NADSYN1: variants seen among roughly 807,000 people sequenced by gnomAD.
NADSYN1 encodes the protein glutamine-dependent NAD(+) synthetase.
NADSYN1 carries 80 observed loss-of-function variants against 99.3 expected under a neutral mutation model. The observed-to-expected ratio is 0.81, with a 90% CI of 0.67 to 0.97. NADSYN1 has a LOEUF of 0.97. Among genes scored for constraint, NADSYN1 ranks in the 50% least tolerant of loss-of-function variants. The probability of loss-of-function intolerance (pLI) is 0.00; values close to 1 mark genes in which losing one functional copy is unlikely to be tolerated. For missense variants in NADSYN1, 859 were observed against 948.5 expected (o/e 0.91, Z 1.24); for synonymous variants, 385 against 372.1 (o/e 1.03, Z -0.40).
intron 9 of NADSYN1, among the ~76,000 whole-genome samples, chr11:71,477,810 G>A (rs900979207): frequency 6.6e-6 from 1 of 152,128 alleles, no homozygotes; most frequent in African/African-American, 2.4e-5. Flanking sequence ...CTCAGTCTCA[G>A]GTTGCTTCTC....
At chr11:71,458,626 C>A in intron 3 of NADSYN1, 82 bp downstream of exon 3, 1 of 973,368 alleles carries the variant, frequency 1.0e-6, no homozygotes, top group Non-Finnish European at 1.7e-6. Context: ...CGGCCTCCAT[C>A]CAGGGTGTGG....
In NADSYN1 at chr11:71,484,573, C is replaced by G. The variant is rs571829108; in HGVS notation, c.1455+126C>G. The G allele has an allele frequency of 1.2e-5, 16 of 1,368,064 alleles. No homozygotes were observed. In the East Asian group the frequency reaches 4.0e-4, roughly 35 times the overall value. 84.7% of individuals were successfully genotyped at this position (1,368,064 alleles called of 1,614,324 possible). On this transcript the variant is annotated intron_variant, in intron 15 of 20. Coordinates refer to ENST00000319023, the MANE Select transcript of NADSYN1 (RefSeq NM_018161.5). ...CCATGAAGCTCATGGCACCGGTTAC[C>G]TAGGGACAGCCAGTGCTGGGGTCAC...
intron 16 of NADSYN1, among the ~76,000 whole-genome samples, chr11:71,486,464 C>T (rs1251004541): frequency 6.6e-6 from 1 of 151,834 alleles, no homozygotes; most frequent in Admixed American, 6.6e-5. Flanking sequence ...TCTGTCCATC[C>T]ACCCACCCAC....
intron 3 of NADSYN1, among the ~76,000 whole-genome samples, chr11:71,459,449 A>C (rs1268842528): frequency 2.0e-5 from 3 of 150,390 alleles, no homozygotes; most frequent in Non-Finnish European, 3.0e-5. Flanking sequence ...CTGTCCCTGC[A>C]TAGCCGGTCC....
In NADSYN1 at chr11:71,497,685, G is replaced by A. The variant is rs571911899; in HGVS notation, c.1893+74G>A. 7.0e-4 allele frequency: 1,098 copies of A among 1,563,536 alleles called. 1 individual carries two copies. Among genetic ancestry groups the A allele is most frequent in the Non-Finnish European group, 9.1e-4 (1,037 of 1,139,820 alleles). ...CCCTTTGCAGAGGCCGGTTTGACCT[G>A]TAGGAACAAGTAGATAACAGTGTGA... On this transcript the variant is annotated intron_variant, in intron 19 of 20. Coordinates refer to ENST00000319023, the MANE Select transcript of NADSYN1 (RefSeq NM_018161.5).
chr11:71,483,135 A>G (rs917570853), intron 14 of NADSYN1, 118 bp downstream of exon 14: 9 of 1,266,018 alleles, frequency 7.1e-6, no homozygotes, highest in Non-Finnish European at 1.0e-5. Context: ...CGTGTCATCC[A>G]CTATGTGGAT....
At chr11:71,487,691 C>T (rs1487551034) in intron 16 of NADSYN1, among the ~76,000 whole-genome samples, 1 of 151,712 alleles carries the variant, frequency 6.6e-6, no homozygotes, top group Non-Finnish European at 1.5e-5. Flanking sequence ...ATTAGCCGGG[C>T]GTGGTGGCAG....
chr11:71,458,364 A>G, intron 2 of NADSYN1, 64 bp from the exon 3 acceptor site: 1 of 1,277,860 alleles, frequency 7.8e-7, no homozygotes, highest in Non-Finnish European at 1.1e-6. Flanking sequence ...ACTGGCCCAC[A>G]GGCCCTGCCC....
intron 5 of NADSYN1, among the ~76,000 whole-genome samples, chr11:71,468,908 A>C (rs559065951): frequency 9.8e-5 from 15 of 152,364 alleles, no homozygotes; most frequent in African/African-American, 3.4e-4. Flanking sequence ...ATGGCTAACT[A>C]TAACCAGAGA....
chr11:71,460,341 T>G (rs1246841733), intron 3 of NADSYN1: 1 of 152,230 alleles, frequency 6.6e-6, no homozygotes, highest in African/African-American at 2.4e-5. Flanking sequence ...GTTTTCTTTT[T>G]TTTGTTTGTT....
At position 71,481,607 on chromosome 11, in the gene NADSYN1, T is replaced by C; in HGVS notation, c.1047+203T>C. 6.4e-6 allele frequency: 4 copies of C among 622,842 alleles called. No individual in the cohort carries two copies. In the South Asian group the frequency reaches 8.0e-5, roughly 12 times the overall value. 38.6% of individuals were successfully genotyped at this position (622,842 alleles called of 1,614,324 possible). A position where few individuals can be genotyped will look rare whatever the true frequency, so the allele number is the denominator to read the frequency against. ...GTGGCTGGTGGGTCAGCTCCACCTT[T>C]GGAGGCTCAGCGGAACCCAGCCCAT... On this transcript the variant is annotated intron_variant, in intron 12 of 20. Transcript: ENST00000319023.
chr11:71,464,413 A>C (rs895718106), intron 5 of NADSYN1: 8 of 383,760 alleles, frequency 2.1e-5, no homozygotes, highest in African/African-American at 1.4e-4. Context: ...GGGTTTAAAT[A>C]TCCTCTAGAG....
At chr11:71,488,259 C>G (rs1307486610) in intron 16 of NADSYN1, among the ~76,000 whole-genome samples, 1 of 152,074 alleles carries the variant, frequency 6.6e-6, no homozygotes, top group African/African-American at 2.4e-5. Context: ...AGTGATAGCC[C>G]AGCAGATAAC....
intron 3 of NADSYN1, chr11:71,459,119 A>G (rs915521465): frequency 2.6e-5 from 4 of 153,072 alleles, no homozygotes; most frequent in Non-Finnish European, 4.1e-5. Context: ...GCTGGTCCCT[A>G]TGGAGGCCTC....
chr11:71,457,089 G>A (rs1342488992), intron 2 of NADSYN1, among the ~76,000 whole-genome samples: 2 of 152,266 alleles, frequency 1.3e-5, no homozygotes, highest in East Asian at 3.8e-4. Context: ...AGGGGTGAGA[G>A]GCCTCTGGTC....
chr11:71,497,618 C>T lies in NADSYN1; in HGVS notation c.1893+7C>T. On this transcript the variant is annotated splice_region_variant and intron_variant, in intron 19 of 20. Coordinates refer to ENST00000319023, the MANE Select transcript of NADSYN1 (RefSeq NM_018161.5). ...CATCTGCACCCCGAGACAGGTAAAG[C>T]CTGTGAGACGCATCACAGAGGGAGG... 1.2e-6 allele frequency: 2 copies of T among 1,613,876 alleles called. No homozygotes were observed. Among genetic ancestry groups the T allele is most frequent in the Non-Finnish European group, 1.7e-6 (2 of 1,179,928 alleles).
intron 1 of NADSYN1, 56 bp from the exon 2 acceptor site, chr11:71,455,054 T>C: frequency 7.4e-7 from 1 of 1,350,770 alleles, no homozygotes; most frequent in Non-Finnish European, 1.0e-6. Flanking sequence ...TTCATCTGTC[T>C]TTGAGTGTAT....
At chr11:71,476,956 A>T in intron 9 of NADSYN1, 1 of 1,000,968 alleles carries the variant, frequency 1.0e-6, no homozygotes, top group Non-Finnish European at 1.2e-6. Flanking sequence ...GCTCCGTCGT[A>T]GGCTGTGGCC....
intron 5 of NADSYN1, among the ~76,000 whole-genome samples, chr11:71,471,811 T>C (rs1195834433): frequency 2.6e-5 from 4 of 152,112 alleles, no homozygotes; most frequent in South Asian, 2.1e-4. Flanking sequence ...ACTAAAACCA[T>C]GCCCAGAAGG....
Sources: allele counts gnomAD v4.1 joint callset (sites outside exome capture counted in the v4.1 genomes callset), GRCh38; gene constraint gnomAD v4.1.1; transcripts MANE v1.5; gene names NCBI Gene and HGNC (gene_info 2026-07-23, HGNC 2026-07-21).